SMARCA5: variants seen among roughly 807,000 people sequenced by gnomAD.
SMARCA5 encodes the protein SNF2 related chromatin remodeling ATPase 5, also known as SWI/SNF-related matrix-associated actin-dependent regulator of chromatin subfamily A member 5.
In SMARCA5, 18 loss-of-function variants were observed where a neutral mutation model predicts 140.4. The ratio of observed to expected loss-of-function variants is 0.13; its 90% confidence interval spans 0.09 to 0.19. The LOEUF is 0.19. Ranked by LOEUF, SMARCA5 falls within the 10% of genes least tolerant of loss-of-function variation. The probability of loss-of-function intolerance (pLI) is 1.00; values close to 1 mark genes in which losing one functional copy is unlikely to be tolerated. For missense variants in SMARCA5, 606 were observed against 1,276.8 expected (o/e 0.47, Z 8.01); for synonymous variants, 449 against 419.6 (o/e 1.07, Z -0.86).
At position 143,524,357 on chromosome 4, in the gene SMARCA5, A is replaced by T; in HGVS notation, c.420-10A>T. On this transcript the variant is annotated splice_polypyrimidine_tract_variant and intron_variant, in intron 3 of 23. Transcript: ENST00000283131. ...ACTCAAATCAGGTTATTTTATTTTC[A>T]TCTTAACAGTTACCGACACCGTAGA... The T allele has an allele frequency of 6.3e-7, 1 of 1,580,864 alleles. No individual in the cohort carries two copies.
intron 23 of SMARCA5, among the ~76,000 whole-genome samples, chr4:143,551,925 T>C (rs929318742): frequency 1.3e-5 from 2 of 151,972 alleles, no homozygotes; most frequent in African/African-American, 4.8e-5. Flanking sequence ...TAAATTTTAG[T>C]ATTTTTTTTT....
intron 2 of SMARCA5, among the ~76,000 whole-genome samples, chr4:143,518,759 A>G (rs910218954): frequency 1.3e-5 from 2 of 152,098 alleles, no homozygotes; most frequent in Non-Finnish European, 2.9e-5. Context: ...CTTTTTTGCT[A>G]TCAAACTTAG....
chr4:143,514,180 A>T (rs1362538667), intron 1 of SMARCA5, 79 bp downstream of exon 1: 2 of 1,329,938 alleles, frequency 1.5e-6, no homozygotes, highest in South Asian at 3.0e-5. Context: ...TGGCGATCGG[A>T]CGCAGAGCCG....
Position 143,521,413 on chromosome 4 carries a change from A to G in SMARCA5, c.253-16A>G. The G allele has an allele frequency of 1.3e-6, 2 of 1,575,282 alleles. No individual in the cohort carries two copies. The highest frequency in any genetic ancestry group is 1.2e-5 in the South Asian group (1 of 85,740). ...TGATACTCTGATAAAATGTATCTTA[A>G]ATTTTTTTTTTTCAGCAAACTGACC... On this transcript the variant is annotated splice_polypyrimidine_tract_variant and intron_variant, in intron 2 of 23. Transcript: ENST00000283131.
chr4:143,549,882 C>A, intron 22 of SMARCA5, 115 bp from the exon 23 acceptor site: 18 of 535,730 alleles, frequency 3.4e-5, no homozygotes, highest in East Asian at 7.6e-5. Context: ...TTTTTTAAAT[C>A]AGGGGTGTAT....
At chr4:143,539,542 T>C (rs1004258162) in intron 13 of SMARCA5, among the ~76,000 whole-genome samples, 1 of 151,430 alleles carries the variant, frequency 6.6e-6, no homozygotes, top group Non-Finnish European at 1.5e-5. Flanking sequence ...ACTTTCTTTT[T>C]TTTTTTTTTT....
chr4:143,513,929 C>G lies in SMARCA5; in HGVS notation c.5C>G (p.Ser2Trp). The G allele has an allele frequency of 6.5e-7, 1 of 1,543,288 alleles. No individual in the cohort carries two copies. Among genetic ancestry groups the G allele is most frequent in the Non-Finnish European group, 8.7e-7 (1 of 1,151,420 alleles). Residue 2 changes from serine to tryptophan, a missense_variant, in exon 1 of 24, where the codon TCG (serine) becomes TGG (tryptophan). Physicochemically the swap from Ser to Trp is radical, Grantham distance 177. Transcript: ENST00000283131. MSSAAEPPPPPP... is the reference protein window; with the variant it reads MWSAAEPPPPPP... ...GGGTGACGCAGACGGAACATCATGT[C>G]GTCCGCGGCCGAGCCTCCGCCACCC... is the stretch of plus-strand genomic sequence containing the variant.
At position 143,542,199 on chromosome 4, in the gene SMARCA5, C is replaced by T. The variant is rs1254338745; in HGVS notation, c.1904-1310C>T. Among the ~76,000 whole-genome samples the T allele has an allele frequency of 3.3e-5, 5 of 152,080 alleles. No individual in the cohort carries two copies. In the East Asian group the frequency reaches 9.6e-4, roughly 29 times the overall value. ...AAGATAAAAAAGACCTTAATTGATT[C>T]ATAATTAATTTAGAAATCTTGAGGT... On this transcript the variant is annotated intron_variant, in intron 14 of 23. Coordinates refer to ENST00000283131, the MANE Select transcript of SMARCA5 (RefSeq NM_003601.4).
chr4:143,530,669 A>G, intron 9 of SMARCA5, 143 bp downstream of exon 9: 1 of 569,864 alleles, frequency 1.8e-6, no homozygotes, highest in African/African-American at 1.9e-5. Flanking sequence ...TAACTCTTAC[A>G]TCTTACAATC....
chr4:143,534,014 C>T (rs1264768096), intron 9 of SMARCA5, among the ~76,000 whole-genome samples: 3 of 152,120 alleles, frequency 2.0e-5, no homozygotes, highest in Non-Finnish European at 4.4e-5. Flanking sequence ...TGTGGCAACC[C>T]TGTGTCAAGG....
Position 143,514,019 on chromosome 4 carries a change from G to A in SMARCA5, c.95G>A (p.Ser32Asn). 1 of 1,552,554 alleles carries A rather than the reference G, an allele frequency of 6.4e-7. No homozygotes were observed. Among genetic ancestry groups the A allele is most frequent in the Non-Finnish European group, 8.6e-7 (1 of 1,156,554 alleles). Residue 32 changes from serine to asparagine, a missense_variant, in exon 1 of 24, where the codon AGC (serine) becomes AAC (asparagine). Around this residue, in one of 10 missense-constraint regions of SMARCA5, gnomAD observed 164 missense variants for 128.4 expected, o/e 1.28. Coordinates refer to ENST00000283131, the MANE Select transcript of SMARCA5 (RefSeq NM_003601.4). ...ATCGCCAGCGGCGGGAGCAACAGCAGCAACAAAGGCGGCCCCGAAGGCGTC... is the reference window on the plus strand; with the variant it reads ...ATCGCCAGCGGCGGGAGCAACAGCAACAACAAAGGCGGCCCCGAAGGCGTC... ...ASIASGGSNS[S>N]NKGGPEGVAA...
chr4:143,549,884 G>T, intron 22 of SMARCA5, 113 bp from the exon 23 acceptor site: 2 of 534,838 alleles, frequency 3.7e-6, no homozygotes, highest in African/African-American at 2.1e-5. Flanking sequence ...TTTTAAATCA[G>T]GGGTGTATTA....
At chr4:143,536,413 A>G (rs1737306292) in intron 10 of SMARCA5, 39 bp from the exon 11 acceptor site, 1 of 1,400,008 alleles carries the variant, frequency 7.1e-7, no homozygotes, top group African/African-American at 1.4e-5. Context: ...TTGATCAAGG[A>G]ACATTTGAGC....
intron 9 of SMARCA5, among the ~76,000 whole-genome samples, chr4:143,532,542 T>C (rs1166381128): frequency 6.6e-6 from 1 of 152,202 alleles, no homozygotes; most frequent in Non-Finnish European, 1.5e-5. Context: ...TGCTCTTTAC[T>C]TTGAAGTTTC....
At position 143,536,591 on chromosome 4, in the gene SMARCA5, C is replaced by A; in HGVS notation, c.1408C>A (p.Pro470Thr). The change falls in exon 11 of 24, where the codon CCA (proline) becomes ACA (threonine). Residue 470 changes from proline to threonine, a missense_variant. Physicochemically the swap from Pro to Thr is conservative, Grantham distance 38. Around this residue, in one of 10 missense-constraint regions of SMARCA5, gnomAD observed 25 missense variants for 108.7 expected, o/e 0.23. Coordinates refer to ENST00000283131, the MANE Select transcript of SMARCA5 (RefSeq NM_003601.4). ...TCTCTTTGATGGAGCAGAACCTGGT[C>A]CACCTTATACAACAGATATGCATCT... ...PYLFDGAEPG[P>T]PYTTDMHLVT... is the part of the protein sequence containing the mutation. The A allele has an allele frequency of 6.2e-7, 1 of 1,613,682 alleles. No individual in the cohort carries two copies. Among genetic ancestry groups the A allele is most frequent in the South Asian group, 1.1e-5 (1 of 91,040 alleles).
chr4:143,534,675 G>A (rs1737267801), intron 9 of SMARCA5, among the ~76,000 whole-genome samples, 180 bp from the exon 10 acceptor site: 1 of 152,134 alleles, frequency 6.6e-6, no homozygotes, highest in African/African-American at 2.4e-5. Context: ...AAGGGGACAG[G>A]AACTAGTCTC....
chr4:143,536,385 T>C, intron 10 of SMARCA5, 67 bp from the exon 11 acceptor site: 1 of 1,028,836 alleles, frequency 9.7e-7, no homozygotes, highest in Non-Finnish European at 1.5e-6. Flanking sequence ...GGGGATTAAG[T>C]ATGTAAAGTG....
At position 143,543,499 on chromosome 4, in the gene SMARCA5, CT is replaced by C. The variant is rs1737469970; in HGVS notation, c.1904-4del. Reference sequence around the variant, plus strand: ...TTCAGTTAACATTATACAACACAATCTTTTTTCAGGGAGGCTTGTGGATCAG... The same window carrying C: ...TTCAGTTAACATTATACAACACAATCTTTTTCAGGGAGGCTTGTGGATCAG... On this transcript the variant is annotated splice_polypyrimidine_tract_variant and intron_variant, in intron 14 of 23. Coordinates refer to ENST00000283131, the MANE Select transcript of SMARCA5 (RefSeq NM_003601.4). 3 of 1,610,928 alleles carry C rather than the reference CT, an allele frequency of 1.9e-6. No homozygotes were observed. The highest frequency in any genetic ancestry group is 2.5e-6 in the Non-Finnish European group (3 of 1,178,588).
At chr4:143,534,564 G>A (rs1420794077) in intron 9 of SMARCA5, among the ~76,000 whole-genome samples, 2 of 152,060 alleles carry the variant, frequency 1.3e-5, no homozygotes, top group Non-Finnish European at 2.9e-5. Flanking sequence ...AAGTAATCTA[G>A]AGATGATTTA....
Sources: gnomAD v4.1 joint callset for allele counts (sites outside exome capture counted in the v4.1 genomes callset) on GRCh38, gnomAD v4.1.1 for gene constraint, gnomAD v4.1.1 regional missense constraint, MANE v1.5 for transcripts, NCBI Gene and HGNC (gene_info 2026-07-23, HGNC 2026-07-21) for gene names.